SGIP1: variants seen among roughly 807,000 people sequenced by gnomAD.
SGIP1 encodes SH3GL interacting endocytic adaptor 1.
Under a neutral mutation model 107.5 loss-of-function variants are expected in SGIP1, and 38 were observed. That is an observed-to-expected ratio of 0.35 (90% CI 0.27 to 0.46). SGIP1 has a LOEUF of 0.46. Among genes scored for constraint, SGIP1 ranks in the 20% least tolerant of loss-of-function variants. The pLI is 1.00. For missense variants in SGIP1, 929 were observed against 1,019.5 expected, an observed-to-expected ratio of 0.91 and a Z score of 1.21; for synonymous variants, 365 against 366.1, an observed-to-expected ratio of 1.00 and a Z score of 0.03.
At chr1:66,611,766 T>A (rs1427907646) in intron 1 of SGIP1, among the ~76,000 whole-genome samples, 1 of 152,122 alleles carries the variant, frequency 6.6e-6, no homozygotes, top group African/African-American at 2.4e-5. Context: ...AAGATACTTC[T>A]TAGGTTTCTG....
intron 17 of SGIP1, chr1:66,694,444 G>A: frequency 6.2e-7 from 1 of 1,607,638 alleles, no homozygotes; most frequent in Non-Finnish European, 8.5e-7. Context: ...CGTAGTGTCA[G>A]AAGACGATGT....
At chr1:66,566,928 T>G (rs1460187403) in intron 1 of SGIP1, among the ~76,000 whole-genome samples, 2 of 152,060 alleles carry the variant, frequency 1.3e-5, no homozygotes, top group Non-Finnish European at 2.9e-5. Flanking sequence ...GTTCTCATCA[T>G]TCAACTTTCA....
At chr1:66,714,144 C>A (rs1284046384) in intron 18 of SGIP1, among the ~76,000 whole-genome samples, 1 of 152,112 alleles carries the variant, frequency 6.6e-6, no homozygotes, top group Non-Finnish European at 1.5e-5. Context: ...AAGTACTTCA[C>A]AAATGCTATC....
At chr1:66,690,091 C>T in intron 16 of SGIP1, 99 bp from the exon 17 acceptor site, 1 of 1,381,610 alleles carries the variant, frequency 7.2e-7, no homozygotes, top group Non-Finnish European at 1.0e-6. Context: ...CTTCAGATAC[C>T]TAAGTTGTCA....
At chr1:66,738,758 T>C (rs1319612121) in intron 21 of SGIP1, among the ~76,000 whole-genome samples, 1 of 152,200 alleles carries the variant, frequency 6.6e-6, no homozygotes, top group South Asian at 2.1e-4. Context: ...AATACTAACC[T>C]ACCCTAGTCT....
At chr1:66,635,918 T>A in intron 3 of SGIP1, 26 bp from the exon 4 acceptor site, 1 of 1,611,834 alleles carries the variant, frequency 6.2e-7, no homozygotes, top group South Asian at 1.1e-5. Flanking sequence ...AACCACTTTT[T>A]TCTACATGAA....
chr1:66,626,067 C>A (rs1029740355), intron 2 of SGIP1, 157 bp downstream of exon 2: 5 of 357,928 alleles, frequency 1.4e-5, no homozygotes, highest in African/African-American at 2.2e-5. Context: ...ATAAACAGTT[C>A]TTAGATTTAT....
chr1:66,676,942 A>G, intron 12 of SGIP1, 62 bp from the exon 13 acceptor site: 2 of 1,370,352 alleles, frequency 1.5e-6, no homozygotes, highest in Non-Finnish European at 2.0e-6. Flanking sequence ...TCGAAATTTT[A>G]AGTTCTAAAG....
intron 1 of SGIP1, among the ~76,000 whole-genome samples, chr1:66,590,236 C>T (rs1443717753): frequency 6.6e-6 from 1 of 152,048 alleles, no homozygotes; most frequent in Admixed American, 6.6e-5. Context: ...CATACATGGC[C>T]CACTGGATAA....
At chr1:66,593,745 G>A (rs1163029196) in intron 1 of SGIP1, among the ~76,000 whole-genome samples, 3 of 151,970 alleles carry the variant, frequency 2.0e-5, no homozygotes, top group Non-Finnish European at 4.4e-5. Flanking sequence ...TTCCAGTCTG[G>A]GCAACAGAGC....
chr1:66,611,082 A>G (rs2067906455), intron 1 of SGIP1, among the ~76,000 whole-genome samples: 1 of 152,200 alleles, frequency 6.6e-6, no homozygotes, highest in Non-Finnish European at 1.5e-5. Context: ...AATCAACACT[A>G]AAGAATTTAT....
At chr1:66,692,596 C>T (rs1017252116) in intron 17 of SGIP1, among the ~76,000 whole-genome samples, 1 of 152,152 alleles carries the variant, frequency 6.6e-6, no homozygotes, top group African/African-American at 2.4e-5. Context: ...CTAATCATAA[C>T]TGACTTGGAA....
At chr1:66,715,899 A>G (rs1444726098) in intron 18 of SGIP1, among the ~76,000 whole-genome samples, 1 of 152,170 alleles carries the variant, frequency 6.6e-6, no homozygotes, top group Non-Finnish European at 1.5e-5. Flanking sequence ...ATATAAGAAA[A>G]TTTTTAGCAC....
intron 18 of SGIP1, among the ~76,000 whole-genome samples, chr1:66,718,868 G>A (rs2093383425): frequency 6.6e-6 from 1 of 152,118 alleles, no homozygotes; most frequent in African/African-American, 2.4e-5. Flanking sequence ...CCACTTGGCT[G>A]CTATTCAAAA....
intron 23 of SGIP1, 88 bp from the exon 24 acceptor site, chr1:66,741,184 T>C (rs1321693872): frequency 8.1e-6 from 11 of 1,349,984 alleles, no homozygotes; most frequent in Non-Finnish European, 9.0e-6. Flanking sequence ...ATGTCTGATT[T>C]TGTACGTTAA....
intron 1 of SGIP1, among the ~76,000 whole-genome samples, chr1:66,580,200 C>T (rs2061622921): frequency 6.6e-6 from 1 of 152,096 alleles, no homozygotes; most frequent in African/African-American, 2.4e-5. Context: ...CAGAAAAAGA[C>T]CCAGACTCCT....
At chr1:66,579,365 C>T (rs1569894640) in intron 1 of SGIP1, among the ~76,000 whole-genome samples, 1 of 152,052 alleles carries the variant, frequency 6.6e-6, no homozygotes, top group East Asian at 1.9e-4. Context: ...CATAGGAATG[C>T]CTATTATCAG....
chr1:66,555,756 A>G (rs1371728291), intron 1 of SGIP1, among the ~76,000 whole-genome samples: 1 of 152,140 alleles, frequency 6.6e-6, no homozygotes, highest in Non-Finnish European at 1.5e-5. Context: ...CTCTGGCCAT[A>G]TCTCTTACAG....
At chr1:66,647,781 G>C (rs1450171330) in intron 7 of SGIP1, among the ~76,000 whole-genome samples, 1 of 152,284 alleles carries the variant, frequency 6.6e-6, no homozygotes, top group South Asian at 2.1e-4. Flanking sequence ...CAGGTTCACT[G>C]TTTTTTAAGG....
Sources: gnomAD v4.1 joint callset for allele counts (sites outside exome capture counted in the v4.1 genomes callset) on GRCh38, gnomAD v4.1.1 for gene constraint, MANE v1.5 for transcripts, NCBI Gene and HGNC (gene_info 2026-07-23, HGNC 2026-07-21) for gene names.